The following KATNIP variants were observed in gnomAD, a reference collection of about 807,000 sequenced individuals.
KATNIP encodes the protein katanin interacting protein, also known as katanin-interacting protein.
A neutral mutation model predicts 174.0 loss-of-function variants in KATNIP; 126 were observed. That is an observed-to-expected ratio of 0.72 (90% CI 0.63 to 0.84). The LOEUF (loss-of-function observed/expected upper bound fraction) is 0.84. Among genes scored for constraint, KATNIP ranks in the 40% least tolerant of loss-of-function variants. The pLI, the probability that KATNIP is intolerant of heterozygous loss-of-function variation, is 0.00. For synonymous variants in KATNIP, 810 were observed against 835.7 expected, an observed-to-expected ratio of 0.97 and a Z score of 0.53; for missense variants, 1,958 against 2,109.7, an observed-to-expected ratio of 0.93 and a Z score of 1.41.
chr16:27,761,253 C>A (rs140754898), intron 18 of KATNIP, among the ~76,000 whole-genome samples, 160 bp from the exon 19 acceptor site: 1,748 of 152,304 alleles, frequency 0.011, 18 homozygotes, highest in Non-Finnish European at 0.018. Flanking sequence ...GGCCCAAGGC[C>A]ACCTAGAGGA....
intron 1 of KATNIP, among the ~76,000 whole-genome samples, chr16:27,551,936 C>T (rs2089395330): frequency 6.6e-6 from 1 of 152,024 alleles, no homozygotes; most frequent in Admixed American, 6.6e-5. Context: ...TGTGCAGTGC[C>T]TCACACCTGT....
rs375829769 is a variant in KATNIP at position 27,740,305 on chromosome 16, A to G, written c.2008A>G (p.Lys670Glu). 5 of 1,614,258 alleles carry G rather than the reference A, an allele frequency of 3.1e-6. No individual in the cohort carries two copies. Among genetic ancestry groups the G allele is most frequent in the Non-Finnish European group, 3.4e-6 (4 of 1,180,046 alleles). Residue 670 changes from lysine to glutamate, a missense_variant, in exon 15 of 28, where the codon AAG (lysine) becomes GAG (glutamate). Coordinates refer to ENST00000261588, the MANE Select transcript of KATNIP (RefSeq NM_015202.5). ...GCCAGCTGAAACATTAGCGGATGCA[A>G]AGCTTTCTTCACAAGGAAATGTGTC... is the stretch of plus-strand genomic sequence containing the variant. ...SPPAETLADA[K>E]LSSQGNVSGK...
At chr16:27,708,521 A>C in intron 12 of KATNIP, 184 bp from the exon 13 acceptor site, 1 of 556,686 alleles carries the variant, frequency 1.8e-6, no homozygotes, top group East Asian at 2.9e-5. Context: ...GCTTTACAGT[A>C]TGAATTCATT....
intron 6 of KATNIP, among the ~76,000 whole-genome samples, chr16:27,667,553 C>G (rs1435960755): frequency 6.6e-6 from 1 of 151,988 alleles, no homozygotes; most frequent in East Asian, 1.9e-4. Context: ...AAATGAGAGA[C>G]ATTATTGGGG....
intron 3 of KATNIP, among the ~76,000 whole-genome samples, chr16:27,622,911 G>A (rs2076237233): frequency 6.6e-6 from 1 of 152,194 alleles, no homozygotes; most frequent in African/African-American, 2.4e-5. Flanking sequence ...TCAAGGTCAT[G>A]CAAGCTGGGG....
chr16:27,771,107 T>G (rs1006084568), intron 21 of KATNIP, among the ~76,000 whole-genome samples: 2 of 152,178 alleles, frequency 1.3e-5, no homozygotes, highest in African/African-American at 2.4e-5. Flanking sequence ...CTCTGCCCTG[T>G]CACCCCGTCC....
intron 1 of KATNIP, among the ~76,000 whole-genome samples, chr16:27,568,710 G>C (rs548486136): frequency 3.3e-5 from 5 of 152,018 alleles, no homozygotes; most frequent in Non-Finnish European, 5.9e-5. Context: ...TGATCTGCCC[G>C]CCCGGGCCTC....
chr16:27,666,779 T>G (rs893698709), intron 6 of KATNIP, among the ~76,000 whole-genome samples: 4 of 152,196 alleles, frequency 2.6e-5, no homozygotes, highest in Non-Finnish European at 2.9e-5. Context: ...GTAATCCCAG[T>G]ACTTTGGGAT....
chr16:27,595,824 G>A (rs1387634074), intron 2 of KATNIP, among the ~76,000 whole-genome samples: 1 of 152,222 alleles, frequency 6.6e-6, no homozygotes, highest in Non-Finnish European at 1.5e-5. Flanking sequence ...CCTCAGAAGG[G>A]CCTTGCTGAG....
chr16:27,694,858 T>G (rs910897581), intron 8 of KATNIP, among the ~76,000 whole-genome samples: 1 of 152,174 alleles, frequency 6.6e-6, no homozygotes, highest in African/African-American at 2.4e-5. Context: ...AAACTCTGGA[T>G]TCCTGCGTGC....
At chr16:27,766,539 T>A (rs772083000) in intron 20 of KATNIP, 65 bp downstream of exon 20, 26 of 1,518,606 alleles carry the variant, frequency 1.7e-5, no homozygotes, top group Non-Finnish European at 2.1e-5. Flanking sequence ...GATGAATGGC[T>A]GGCGTGGCAG....
chr16:27,628,852 TGA>T, intron 4 of KATNIP, 22 bp downstream of exon 4: 1 of 1,612,662 alleles, frequency 6.2e-7, no homozygotes, highest in Non-Finnish European at 8.5e-7. Flanking sequence ...CCCTCCAGGC[TGA>T]GTCTCAGCTC....
At position 27,618,460 on chromosome 16, in the gene KATNIP, G is replaced by A; in HGVS notation, c.99G>A (p.Glu33=). Residue 33 remains glutamate, a synonymous_variant, in exon 3 of 28, where the codon GAG becomes GAA. Transcript: ENST00000261588. ...AGGACATGGTGACAGACTTTGATGA[G>A]AAACATGATGAGTATTTAATATTGC... ...YAKDMVTDFD[E]KHDEYLILLQ... is the part of the protein sequence containing the mutation. 6.2e-7 allele frequency: 1 copy of A among 1,613,534 alleles called. No homozygotes were observed. Among genetic ancestry groups the A allele is most frequent in the Non-Finnish European group, 8.5e-7 (1 of 1,179,550 alleles).
chr16:27,766,441 C>T lies in KATNIP; in HGVS notation c.3942C>T (p.Asn1314=). ...GCATCGCAGGCCTGCGCTTCTGGAACTACAATAAATCTCCCGAGGACACCT... is the reference window on the plus strand; with the variant it reads ...GCATCGCAGGCCTGCGCTTCTGGAATTACAATAAATCTCCCGAGGACACCT... ...AESIAGLRFW[N]YNKSPEDTYR... The change falls in exon 20 of 28, where the codon AAC becomes AAT. Residue 1314 remains asparagine, a synonymous_variant. Coordinates refer to ENST00000261588, the MANE Select transcript of KATNIP (RefSeq NM_015202.5). 2 of 1,613,880 alleles carry T rather than the reference C, an allele frequency of 1.2e-6. No homozygotes were observed. Among genetic ancestry groups the T allele is most frequent in the Admixed American group, 1.7e-5 (1 of 60,024 alleles).
chr16:27,631,543 T>TAA (rs80028032), intron 5 of KATNIP, among the ~76,000 whole-genome samples: 13 of 119,400 alleles, frequency 1.1e-4, no homozygotes, highest in Admixed American at 1.7e-4. Flanking sequence ...AGAGCCTGTC[T>TAA]AAAAAAAAAA....
intron 8 of KATNIP, among the ~76,000 whole-genome samples, chr16:27,696,635 A>G (rs770715546): frequency 2.0e-4 from 30 of 151,738 alleles, no homozygotes; most frequent in Non-Finnish European, 3.5e-4. Flanking sequence ...AATGGCCTTC[A>G]GTTTCATCCA....
At chr16:27,662,095 C>A (rs377192367) in intron 6 of KATNIP, among the ~76,000 whole-genome samples, 1 of 38,300 alleles carries the variant, frequency 2.6e-5, no homozygotes, top group Non-Finnish European at 5.6e-5. Flanking sequence ...TATACACATA[C>A]ATATATATAT....
chr16:27,630,939 A>G (rs776662064), intron 4 of KATNIP, 126 bp from the exon 5 acceptor site: 10 of 692,922 alleles, frequency 1.4e-5, no homozygotes, highest in Non-Finnish European at 2.5e-5. Flanking sequence ...CGCTGTAGTC[A>G]ATGTCCTCAT....
rs556687403 is a variant in KATNIP at position 27,616,887 on chromosome 16, T to TAAA, written c.64-1502_64-1500dup. On this transcript the variant is annotated intron_variant, in intron 2 of 27. Transcript: ENST00000261588. ...CAACATAGTGAGATGCCATCTCTAC[T>TAAA]AAAAAAAAAAAAAAAAAAAAAAAAA... is the stretch of plus-strand genomic sequence containing the variant. 3.2e-4 allele frequency among the ~76,000 whole-genome samples: 10 copies of TAAA among 31,428 alleles called. 1 individual carries two copies. The highest frequency in any genetic ancestry group is 2.1e-3 in the Admixed American group (3 of 1,438). 20.6% of individuals were successfully genotyped at this position (31,428 alleles called of 152,430 possible).
Sources: allele counts gnomAD v4.1 joint callset (sites outside exome capture counted in the v4.1 genomes callset), GRCh38; gene constraint gnomAD v4.1.1; transcripts MANE v1.5; gene names NCBI Gene and HGNC (gene_info 2026-07-23, HGNC 2026-07-21).